SCAP: variants seen among roughly 807,000 people sequenced by gnomAD.
SCAP encodes SREBF chaperone.
Under a neutral mutation model 123.6 loss-of-function variants are expected in SCAP, and 65 were observed. The ratio of observed to expected loss-of-function variants is 0.53; its 90% CI spans 0.43 to 0.65. The LOEUF (loss-of-function observed/expected upper bound fraction) is 0.65. Ranked by LOEUF, SCAP falls within the 30% of genes least tolerant of loss-of-function variation. The pLI is 0.00. For missense variants in SCAP, 1,398 were observed against 1,712.5 expected (o/e 0.82, Z 3.24); for synonymous variants, 740 against 726.3 (o/e 1.02, Z -0.30).
chr3:47,474,867 A>G (rs1175474419), intron 1 of SCAP, among the ~76,000 whole-genome samples: 7 of 152,190 alleles, frequency 4.6e-5, no homozygotes, highest in Non-Finnish European at 1.0e-4. Context: ...AGCACTAACT[A>G]GACACCCTCG....
At chr3:47,414,445 G>T (rs755589741) in intron 21 of SCAP, 59 bp from the exon 22 acceptor site, 86 of 1,602,958 alleles carry the variant, frequency 5.4e-5, no homozygotes, top group Non-Finnish European at 7.2e-5. Context: ...GTCAACAGTG[G>T]TGTCCCTGTG....
chr3:47,463,561 G>C (rs1049935051), intron 1 of SCAP, among the ~76,000 whole-genome samples: 1 of 152,094 alleles, frequency 6.6e-6, no homozygotes, highest in Admixed American at 6.6e-5. Context: ...AATTAGCTGG[G>C]TGTGGTAGTG....
At chr3:47,421,996 G>C (rs1015490860) in intron 10 of SCAP, among the ~76,000 whole-genome samples, 1 of 152,284 alleles carries the variant, frequency 6.6e-6, no homozygotes, top group Non-Finnish European at 1.5e-5. Context: ...CCATGCGTCT[G>C]GCGACTGCGG....
chr3:47,476,233 C>T (rs1708269126), upstream of SCAP: 1 of 152,186 alleles, frequency 6.6e-6, no homozygotes, highest in South Asian at 2.1e-4. Context: ...GAGTCCAAGG[C>T]GCGAAGATCG....
At chr3:47,445,349 C>T (rs1329738643) in intron 1 of SCAP, among the ~76,000 whole-genome samples, 1 of 148,800 alleles carries the variant, frequency 6.7e-6, no homozygotes, top group African/African-American at 2.5e-5. Flanking sequence ...CAGATTCAAG[C>T]GATTCTCTTG....
chr3:47,415,918 G>A (rs937268118), intron 18 of SCAP, among the ~76,000 whole-genome samples: 4 of 152,202 alleles, frequency 2.6e-5, no homozygotes, highest in Admixed American at 6.5e-5. Context: ...TTGAGACATC[G>A]GGGCTTTCCT....
intron 1 of SCAP, among the ~76,000 whole-genome samples, chr3:47,449,569 A>G (rs1227520927): frequency 8.0e-6 from 1 of 124,262 alleles, no homozygotes; most frequent in African/African-American, 2.8e-5. Flanking sequence ...GAAAAGACAA[A>G]GCAAACAACA....
At chr3:47,417,929 GA>G in intron 16 of SCAP, 103 bp from the exon 17 acceptor site, 3 of 257,738 alleles carry the variant, frequency 1.2e-5, no homozygotes, top group Non-Finnish European at 1.5e-5. Context: ...AGGGGCAAGG[GA>G]AAAGGGGGTG....
At chr3:47,472,727 G>A (rs1708077930) in intron 1 of SCAP, among the ~76,000 whole-genome samples, 1 of 151,994 alleles carries the variant, frequency 6.6e-6, no homozygotes, top group Non-Finnish European at 1.5e-5. Context: ...CAGTGACGCT[G>A]GCTTCCTCCC....
chr3:47,472,441 A>G (rs1298570225), intron 1 of SCAP, among the ~76,000 whole-genome samples: 1 of 100,566 alleles, frequency 9.9e-6, no homozygotes, highest in Non-Finnish European at 2.0e-5. Context: ...ACTCCGTCTC[A>G]AAAAAAAAAA....
intron 18 of SCAP, among the ~76,000 whole-genome samples, chr3:47,416,407 G>C (rs1576244170): frequency 6.6e-6 from 1 of 152,212 alleles, no homozygotes. Flanking sequence ...CGGCCAAGGA[G>C]AAGAGAGGGT....
chr3:47,427,069 TCAGAA>T, intron 6 of SCAP, 83 bp downstream of exon 6: 1 of 921,190 alleles, frequency 1.1e-6, no homozygotes, highest in Non-Finnish European at 1.7e-6. Flanking sequence ...CAGGGGGCAT[TCAGAA>T]CACTCTAACC....
At chr3:47,422,746 G>A (rs972714481) in intron 9 of SCAP, 17 of 499,924 alleles carry the variant, frequency 3.4e-5, no homozygotes, top group African/African-American at 2.0e-4. Context: ...TACGGGGAAC[G>A]GGTGTTCACA....
At position 47,427,191 on chromosome 3, in the gene SCAP, T is replaced by C. The variant is rs746131319; in HGVS notation, c.703A>G (p.Thr235Ala). Residue 235 changes from threonine to alanine, a missense_variant, in exon 6 of 23, where the codon ACC becomes GCC. Thr to Ala is a moderately conservative substitution (Grantham distance 58, BLOSUM62 0). Coordinates refer to ENST00000265565, the MANE Select transcript of SCAP (RefSeq NM_012235.4). The stretch of plus-strand genomic sequence containing the variant: ...TAGTGCTGGAAGACCAGGGTGATGG[T>C]GTAGGAGACCATCCTCTTCCTGGTG... ...LYTRKRMVSY[T>A]ITLVFQHYHA... The C allele has an allele frequency of 3.1e-6, 5 of 1,613,718 alleles. No individual in the cohort carries two copies. Among genetic ancestry groups the C allele is most frequent in the Non-Finnish European group, 4.2e-6 (5 of 1,179,874 alleles).
intron 2 of SCAP, among the ~76,000 whole-genome samples, chr3:47,442,047 T>G (rs13063127): frequency 1.3e-5 from 2 of 151,988 alleles, no homozygotes. Context: ...GAGCTTGAGA[T>G]CATTAGCAAC....
In SCAP at chr3:47,435,022, C is replaced by G; in HGVS notation, c.238G>C (p.Glu80Gln). Residue 80 changes from glutamate (E) to glutamine (Q), a missense_variant, in exon 3 of 23, where the codon GAG (glutamate) becomes CAG (glutamine). Around this residue, in one of 7 missense-constraint regions of SCAP, gnomAD observed 319 missense variants for 432.4 expected, o/e 0.74. Transcript: ENST00000265565. ...CGAGTACCCACCCACTCAGGCTGCT[C>G]AGTAGGCTCTCCTTGTTTGCGGTCA... The part of the protein sequence containing the change: ...DSDRKQGEPT[E>Q]QPEWYVGAPV... 1 of 1,614,166 alleles carries G rather than the reference C, an allele frequency of 6.2e-7. No individual in the cohort carries two copies. The highest frequency in any genetic ancestry group is 1.1e-5 in the South Asian group (1 of 91,080).
chr3:47,470,207 A>C (rs1707979256), intron 1 of SCAP, among the ~76,000 whole-genome samples: 1 of 152,164 alleles, frequency 6.6e-6, no homozygotes, highest in South Asian at 2.1e-4. Context: ...TACCAGTCTT[A>C]TTGCTGATGC....
At chr3:47,448,002 CAAAAAAAAAAAAAA>C (rs35075035) in intron 1 of SCAP, among the ~76,000 whole-genome samples, 1 of 66,306 alleles carries the variant, frequency 1.5e-5, no homozygotes, top group Non-Finnish European at 2.5e-5. Flanking sequence ...GACTCCGTCT[CAAAAAAAAAAAAAA>C]AAAAAAAAAA....
At chr3:47,469,359 C>G (rs1707950958) in intron 1 of SCAP, among the ~76,000 whole-genome samples, 1 of 152,116 alleles carries the variant, frequency 6.6e-6, no homozygotes, top group African/African-American at 2.4e-5. Flanking sequence ...AAAAAATCAC[C>G]AAATAATTTT....
Sources: gnomAD v4.1 joint callset for allele counts (sites outside exome capture counted in the v4.1 genomes callset) on GRCh38, gnomAD v4.1.1 for gene constraint, gnomAD v4.1.1 regional missense constraint, MANE v1.5 for transcripts, NCBI Gene and HGNC (gene_info 2026-07-23, HGNC 2026-07-21) for gene names.